The following SRGAP2C variants were observed in gnomAD, a reference collection of about 807,000 sequenced individuals.
SRGAP2C encodes the protein SLIT-ROBO Rho GTPase activating protein 2C.
SRGAP2C carries 15 observed loss-of-function variants against 25.1 expected under a neutral mutation model. That is an observed-to-expected ratio of 0.60 (90% CI 0.40 to 0.92). SRGAP2C has a LOEUF of 0.92. Ranked by LOEUF, SRGAP2C falls within the 40% of genes least tolerant of loss-of-function variation. The probability of loss-of-function intolerance (pLI) is 0.00; values close to 1 mark genes in which losing one functional copy is unlikely to be tolerated. For synonymous variants in SRGAP2C, 44 were observed against 96.6 expected (o/e 0.46, Z 3.19); for missense variants, 144 against 264.4 (o/e 0.54, Z 3.16).
chr1:121,347,797 C>T lies in SRGAP2C; in HGVS notation c.424-17496C>T, dbSNP rs1365493665. ...AATGAATGTTCTCGTTAAATATGGC[C>T]GTGACCTGCAGCTCCACACATGCCA... On this transcript the variant is annotated intron_variant, in intron 4 of 9. Coordinates refer to ENST00000367123, the MANE Select transcript of SRGAP2C (RefSeq NM_001329984.2). Among the ~76,000 whole-genome samples, 19 of 151,242 alleles carry T rather than the reference C, an allele frequency of 1.3e-4. No individual in the cohort carries two copies. The South Asian group carries it at 2.5e-3, about 20-fold the overall frequency.
Position 121,196,999 on chromosome 1 carries a change from C to G in SRGAP2C, c.67+9486C>G, listed in dbSNP as rs587649296. On this transcript the variant is annotated intron_variant, in intron 2 of 9. Transcript: ENST00000367123. ...AAAAGACTGTTAATATTAATCACTTCCCACTTACCCTGCTTACATTTTATA... is the reference window on the plus strand; with the variant it reads ...AAAAGACTGTTAATATTAATCACTTGCCACTTACCCTGCTTACATTTTATA... Among the ~76,000 whole-genome samples, 61 of 150,686 alleles carry G rather than the reference C, an allele frequency of 4.0e-4. 1 individual carries two copies. The East Asian group carries it at 0.011, about 26-fold the overall frequency.
chr1:121,308,959 A>C (rs1170890847), intron 3 of SRGAP2C, among the ~76,000 whole-genome samples: 1 of 125,444 alleles, frequency 8.0e-6, no homozygotes, highest in East Asian at 2.3e-4. Flanking sequence ...AAAAAAAAGG[A>C]AGTGTTCCTA....
At chr1:121,331,788 CATT>C (rs1420553691) in intron 4 of SRGAP2C, among the ~76,000 whole-genome samples, 5 of 148,676 alleles carry the variant, frequency 3.4e-5, no homozygotes, top group East Asian at 4.1e-4. Context: ...GCTCAAAAAA[CATT>C]ATGTTGATAA....
intron 3 of SRGAP2C, among the ~76,000 whole-genome samples, chr1:121,309,227 CAT>C (rs1489463227): frequency 3.7e-5 from 4 of 109,138 alleles, no homozygotes; most frequent in South Asian, 3.4e-4. Flanking sequence ...TCACAAAAGT[CAT>C]GTGTGTTAGG....
chr1:121,305,946 C>G (rs1429420276), intron 3 of SRGAP2C, among the ~76,000 whole-genome samples: 1 of 152,164 alleles, frequency 6.6e-6, no homozygotes, highest in Admixed American at 6.5e-5. Context: ...TTTCTATGTA[C>G]TGACAGGTTT....
intron 4 of SRGAP2C, among the ~76,000 whole-genome samples, chr1:121,343,866 G>T (rs1298068511): frequency 1.3e-5 from 2 of 151,542 alleles, no homozygotes; most frequent in African/African-American, 2.4e-5. Context: ...GTATTTGTTG[G>T]TTGGAGGAAA....
chr1:121,212,276 G>A (rs1328783418), intron 2 of SRGAP2C, among the ~76,000 whole-genome samples: 3 of 141,366 alleles, frequency 2.1e-5, no homozygotes, highest in African/African-American at 5.2e-5. Context: ...GACTACAGGC[G>A]CCCGCCACCA....
intron 4 of SRGAP2C, among the ~76,000 whole-genome samples, chr1:121,343,839 C>T (rs1351572350): frequency 6.6e-6 from 1 of 150,902 alleles, no homozygotes; most frequent in Admixed American, 6.6e-5. Context: ...GACAATTCTG[C>T]CTGTACACAT....
intron 2 of SRGAP2C, among the ~76,000 whole-genome samples, chr1:121,269,941 C>T (rs1489372721): frequency 6.6e-6 from 1 of 151,676 alleles, no homozygotes; most frequent in Non-Finnish European, 1.5e-5. Context: ...ATTTTTATAG[C>T]TTATCTTTTT....
At chr1:121,238,567 T>C (rs1656013914) in intron 2 of SRGAP2C, among the ~76,000 whole-genome samples, 1 of 151,862 alleles carries the variant, frequency 6.6e-6, no homozygotes, top group Non-Finnish European at 1.5e-5. Flanking sequence ...TGGGGAACCA[T>C]GGAAATATTT....
chr1:121,185,290 C>G (rs1279833496), intron 1 of SRGAP2C, 166 bp downstream of exon 1: 2 of 735,678 alleles, frequency 2.7e-6, no homozygotes, highest in Admixed American at 3.8e-5. Flanking sequence ...TCCACCCTCT[C>G]CAAATCTCCC....
chr1:121,323,476 C>T (rs1658252324), intron 3 of SRGAP2C, among the ~76,000 whole-genome samples: 2 of 143,940 alleles, frequency 1.4e-5, no homozygotes, highest in Admixed American at 7.0e-5. Flanking sequence ...GTTAGCTGGG[C>T]GTGGTGGCAG....
chr1:121,364,002 T>C (rs1255925988), intron 4 of SRGAP2C, among the ~76,000 whole-genome samples: 2 of 151,184 alleles, frequency 1.3e-5, no homozygotes, highest in Non-Finnish European at 2.9e-5. Context: ...TAGAGATGTA[T>C]GTACCTTGAA....
At chr1:121,312,225 G>GTA (rs1657978399) in intron 3 of SRGAP2C, among the ~76,000 whole-genome samples, 1 of 24,680 alleles carries the variant, frequency 4.1e-5, no homozygotes, top group South Asian at 1.1e-3. Context: ...GGTGTTTGTA[G>GTA]TATTCTCTGA....
intron 2 of SRGAP2C, among the ~76,000 whole-genome samples, chr1:121,208,537 G>A (rs1394022525): frequency 6.6e-6 from 1 of 152,226 alleles, no homozygotes; most frequent in East Asian, 1.9e-4. Flanking sequence ...AAGTCTGCCA[G>A]GTTGAGCACA....
chr1:121,385,144 G>A (rs1247051313), intron 8 of SRGAP2C, among the ~76,000 whole-genome samples: 33 of 148,128 alleles, frequency 2.2e-4, no homozygotes, highest in African/African-American at 5.5e-4. Flanking sequence ...CCTGGAAGTC[G>A]TTGAACTAGG....
intron 4 of SRGAP2C, among the ~76,000 whole-genome samples, chr1:121,354,438 C>G (rs1443366925): frequency 8.2e-6 from 1 of 121,472 alleles, no homozygotes; most frequent in African/African-American, 3.1e-5. Flanking sequence ...TGCTCTGTCA[C>G]CCAGGCTGGA....
intron 3 of SRGAP2C, among the ~76,000 whole-genome samples, chr1:121,285,391 G>GTC (rs1167239844): frequency 0.059 from 7,846 of 134,108 alleles, 771 homozygotes; most frequent in African/African-American, 0.2. Flanking sequence ...CTTAATCTCT[G>GTC]TCTCTCTCTC....
chr1:121,375,781 T>C (rs1659628805), intron 7 of SRGAP2C, among the ~76,000 whole-genome samples: 1 of 151,778 alleles, frequency 6.6e-6, no homozygotes, highest in Non-Finnish European at 1.5e-5. Flanking sequence ...ACATCACCAT[T>C]ATGGGTAAGC....
Sources: gnomAD v4.1 joint callset for allele counts (sites outside exome capture counted in the v4.1 genomes callset) on GRCh38, gnomAD v4.1.1 for gene constraint, MANE v1.5 for transcripts, NCBI Gene and HGNC (gene_info 2026-07-23, HGNC 2026-07-21) for gene names.